The following SAMD12 variants were observed in gnomAD, a reference collection of about 807,000 sequenced individuals.
The protein encoded by SAMD12 is sterile alpha motif domain containing 12, also known as sterile alpha motif domain-containing protein 12.
In SAMD12, 9 loss-of-function variants were observed where a neutral mutation model predicts 15.0. The observed-to-expected ratio is 0.60, with a 90% CI of 0.36 to 1.05. The LOEUF is 1.05. Ranked by LOEUF, SAMD12 falls within the 50% of genes least tolerant of loss-of-function variation. The probability of loss-of-function intolerance (pLI) is 0.01; values close to 1 mark genes in which losing one functional copy is unlikely to be tolerated. For missense variants in SAMD12, 230 were observed against 234.2 expected (o/e 0.98, Z 0.12); for synonymous variants, 86 against 90.1 (o/e 0.96, Z 0.25).
At chr8:118,467,340 T>G (rs1416712008) in intron 2 of SAMD12, among the ~76,000 whole-genome samples, 2 of 152,198 alleles carry the variant, frequency 1.3e-5, no homozygotes, top group African/African-American at 4.8e-5. Context: ...TGCTATCTCA[T>G]AGGATTGTTG....
In SAMD12 at chr8:118,265,640, TTCAG is replaced by T. The variant is rs1461467515; in HGVS notation, c.434-67912_434-67909del. Among the ~76,000 whole-genome samples, 6 of 151,990 alleles carry T rather than the reference TTCAG, an allele frequency of 3.9e-5. No individual in the cohort carries two copies. The East Asian group carries it at 1.2e-3, about 29-fold the overall frequency. ...AACTAGATTCCCTCTCTTTGGATCA[TTCAG>T]TCATTTATTTCAACACTAATTTAGA... On this transcript the variant is annotated intron_variant, in intron 4 of 4. Coordinates refer to the SAMD12 transcript ENST00000409003.
intron 4 of SAMD12, among the ~76,000 whole-genome samples, chr8:118,206,467 G>C (rs554330710): frequency 6.6e-6 from 1 of 152,284 alleles, no homozygotes; most frequent in Admixed American, 6.5e-5. Flanking sequence ...AAAGTCCTGG[G>C]AATACAGGCA....
intron 3 of SAMD12, among the ~76,000 whole-genome samples, chr8:118,382,442 C>CA (rs1640861766): frequency 6.6e-6 from 1 of 152,244 alleles, no homozygotes; most frequent in Admixed American, 6.5e-5. Context: ...CCTGTAGCCC[C>CA]AGCCTTTCCA....
chr8:118,285,751 T>C (rs183702828), intron 4 of SAMD12, among the ~76,000 whole-genome samples: 2 of 152,332 alleles, frequency 1.3e-5, no homozygotes, highest in Middle Eastern at 3.4e-3. Flanking sequence ...TTGAACAGAC[T>C]GAATAGGATA....
the SAMD12 span, among the ~76,000 whole-genome samples, chr8:118,181,493 C>A: frequency 6.5e-4 from 99 of 152,320 alleles, no homozygotes; most frequent in African/African-American, 2.2e-3. Context: ...TTCTTGGACA[C>A]ACTGATTGGG....
At position 118,440,076 on chromosome 8, in the gene SAMD12, T is replaced by C. The variant is rs1017547810; in HGVS notation, c.193-115A>G. On this transcript the variant is annotated intron_variant, in intron 2 of 3. Coordinates refer to ENST00000314727, the MANE Select transcript of SAMD12 (RefSeq NM_207506.3). ...AGACTGGATTCCCTGAAGATAAATA[T>C]CTAGTTCTTGTCTTTCTCCTAACCT... 4 of 1,023,574 alleles carry C rather than the reference T, an allele frequency of 3.9e-6. No homozygotes were observed. The Admixed American group carries it at 9.3e-5, about 24-fold the overall frequency. 63.4% of individuals were successfully genotyped at this position (1,023,574 alleles called of 1,614,324 possible).
At chr8:118,257,241 C>A (rs11562689) in intron 4 of SAMD12, among the ~76,000 whole-genome samples, 2,822 of 152,154 alleles carry the variant, frequency 0.019, 40 homozygotes, top group Non-Finnish European at 0.028. Flanking sequence ...GTATCTTTAA[C>A]CCACAGCTGT....
chr8:118,343,958 G>A (rs1344128697), intron 4 of SAMD12, among the ~76,000 whole-genome samples: 1 of 152,172 alleles, frequency 6.6e-6, no homozygotes, highest in African/African-American at 2.4e-5. Context: ...CAGGGATGTT[G>A]TAAAGACTGA....
intron 4 of SAMD12, among the ~76,000 whole-genome samples, chr8:118,233,020 C>T (rs779484685): frequency 1.3e-5 from 2 of 152,122 alleles, no homozygotes; most frequent in African/African-American, 2.4e-5. Flanking sequence ...CTTCACAGTG[C>T]GTTATTGCTC....
At chr8:118,303,213 C>T (rs563090412) in intron 4 of SAMD12, among the ~76,000 whole-genome samples, 1 of 152,284 alleles carries the variant, frequency 6.6e-6, no homozygotes, top group Non-Finnish European at 1.5e-5. Flanking sequence ...ACACATTCTA[C>T]AAAGGGATTA....
chr8:118,328,286 T>A (rs1040519874), intron 4 of SAMD12, among the ~76,000 whole-genome samples: 7 of 152,150 alleles, frequency 4.6e-5, no homozygotes, highest in Non-Finnish European at 1.0e-4. Flanking sequence ...CATACCAACT[T>A]ATTTCTAGTC....
chr8:118,201,120 T>C (rs1586336561), intron 4 of SAMD12, among the ~76,000 whole-genome samples: 1 of 152,250 alleles, frequency 6.6e-6, no homozygotes, highest in East Asian at 1.9e-4. Flanking sequence ...CTACATGAGG[T>C]CAAAATGCAA....
chr8:118,355,569 A>T (rs1198679289), intron 4 of SAMD12, among the ~76,000 whole-genome samples: 1 of 152,232 alleles, frequency 6.6e-6, no homozygotes, highest in Non-Finnish European at 1.5e-5. Flanking sequence ...AAAGGTATAG[A>T]GCAAAGGGAT....
the SAMD12 span, among the ~76,000 whole-genome samples, chr8:118,164,192 C>T: frequency 6.6e-6 from 1 of 152,154 alleles, no homozygotes. Context: ...GAGACACTTT[C>T]TATGACTTTT....
At chr8:118,197,491 G>A in exon 5 of SAMD12, 1 of 597,776 alleles carries the variant, frequency 1.7e-6, no homozygotes, top group South Asian at 2.1e-5. Context: ...CTTGGAATGA[G>A]TTGGCATTAT....
chr8:118,473,373 A>G (rs1823860331), intron 2 of SAMD12, among the ~76,000 whole-genome samples: 1 of 152,180 alleles, frequency 6.6e-6, no homozygotes. Context: ...AGTAATAGAG[A>G]ATCTAAAGAA....
intron 4 of SAMD12, among the ~76,000 whole-genome samples, chr8:118,366,569 T>G (rs762063551): frequency 1.3e-5 from 2 of 152,082 alleles, no homozygotes; most frequent in Non-Finnish European, 2.9e-5. Flanking sequence ...TCCCAGCATT[T>G]TGGGAGGCCA....
At chr8:118,472,534 G>T (rs1358220967) in intron 2 of SAMD12, among the ~76,000 whole-genome samples, 1 of 152,054 alleles carries the variant, frequency 6.6e-6, no homozygotes, top group Non-Finnish European at 1.5e-5. Flanking sequence ...AAATAGCCGG[G>T]CATGGCAGCC....
chr8:118,567,165 C>T (rs1563588241), intron 2 of SAMD12, among the ~76,000 whole-genome samples: 1 of 152,100 alleles, frequency 6.6e-6, no homozygotes, highest in East Asian at 1.9e-4. Context: ...TCCTACTGGA[C>T]AGATGAAGAC....
Sources: allele counts gnomAD v4.1 joint callset (sites outside exome capture counted in the v4.1 genomes callset), GRCh38; gene constraint gnomAD v4.1.1; transcripts MANE v1.5; gene names NCBI Gene and HGNC (gene_info 2026-07-23, HGNC 2026-07-21).